Variants in TTYH2 observed in about 807,000 individuals in gnomAD.
The protein encoded by TTYH2 is tweety family member 2.
A neutral mutation model predicts 68.3 loss-of-function variants in TTYH2; 49 were observed. The ratio of observed to expected loss-of-function variants is 0.72; its 90% CI spans 0.57 to 0.91. The LOEUF is 0.91. TTYH2 is among the 40% of genes least tolerant of loss of function. The pLI is 0.00. For synonymous variants in TTYH2, 272 were observed against 300.8 expected (o/e 0.90, Z 0.99); for missense variants, 631 against 700.4 (o/e 0.90, Z 1.12).
At chr17:74,236,289 A>G (rs996416023) in intron 3 of TTYH2, among the ~76,000 whole-genome samples, 4 of 152,196 alleles carry the variant, frequency 2.6e-5, no homozygotes, top group Non-Finnish European at 2.9e-5. Context: ...GCCTTCACTC[A>G]GCGTTCAGGA....
chr17:74,243,093 C>T (rs530421297), intron 4 of TTYH2, among the ~76,000 whole-genome samples: 8 of 152,346 alleles, frequency 5.3e-5, no homozygotes, highest in African/African-American at 1.9e-4. Context: ...GGATTTAGAA[C>T]AGCTCCTCCA....
At chr17:74,216,557 C>T (rs1049601718) in intron 1 of TTYH2, among the ~76,000 whole-genome samples, 4 of 152,158 alleles carry the variant, frequency 2.6e-5, no homozygotes, top group Admixed American at 6.5e-5. Flanking sequence ...GTTTGGGAGC[C>T]GTGAAAGCCC....
chr17:74,216,355 T>G (rs1425191181), intron 1 of TTYH2, among the ~76,000 whole-genome samples: 1 of 151,970 alleles, frequency 6.6e-6, no homozygotes, highest in East Asian at 1.9e-4. Context: ...CATCAGAGAC[T>G]AAGCAAGGAT....
rs1323072580 is a variant in TTYH2, at chr17:74,222,889, G to A, written c.302+232G>A. ...GGCCCCCCACAAACCCTGCCCCAAT[G>A]TGGGTTTGTCCTGTGCCCAGCAGCT... On this transcript the variant is annotated intron_variant, in intron 2 of 13. Transcript: ENST00000269346. This position sits in a 1 kb window ranked among gnomAD's most constrained non-coding sequence, Gnocchi z 5.2. Among the ~76,000 whole-genome samples, 1 of 151,916 alleles carries A rather than the reference G, an allele frequency of 6.6e-6. No individual in the cohort carries two copies. The highest frequency in any genetic ancestry group is 1.5e-5 in the Non-Finnish European group (1 of 67,986).
chr17:74,218,865 G>A lies in TTYH2; in HGVS notation c.130-3620G>A, dbSNP rs188084877. ...GAGGCAAACTCAAAGGGTAGCTGGG[G>A]GCAGGCTGGATGGTAACTGGGCTTC... is the stretch of plus-strand genomic sequence containing the variant. On this transcript the variant is annotated intron_variant, in intron 1 of 13. Coordinates refer to ENST00000269346, the MANE Select transcript of TTYH2 (RefSeq NM_032646.6). 1.9e-3 allele frequency among the ~76,000 whole-genome samples: 294 copies of A among 152,322 alleles called. 1 individual carries two copies. The highest frequency in any genetic ancestry group is 6.3e-3 in the African/African-American group (262 of 41,578).
chr17:74,229,390 G>A (rs1333072810), intron 2 of TTYH2, among the ~76,000 whole-genome samples: 3 of 152,154 alleles, frequency 2.0e-5, no homozygotes, highest in African/African-American at 4.8e-5. Flanking sequence ...CTTAGGACTA[G>A]AGGACAGTAT....
chr17:74,244,804 A>G (rs2050538743), intron 6 of TTYH2, among the ~76,000 whole-genome samples: 1 of 152,162 alleles, frequency 6.6e-6, no homozygotes, highest in South Asian at 2.1e-4. Flanking sequence ...TTTGGAAGCA[A>G]GACTCATAGG....
intron 2 of TTYH2, among the ~76,000 whole-genome samples, chr17:74,227,978 TCTTTC>T (rs1278784613): frequency 1.5e-5 from 2 of 134,652 alleles, no homozygotes; most frequent in Non-Finnish European, 3.0e-5. Context: ...TCTTTTCTTT[TCTTTC>T]TTTTTTTTTT....
intron 4 of TTYH2, among the ~76,000 whole-genome samples, chr17:74,242,653 A>C (rs2050513413): frequency 6.6e-6 from 1 of 152,194 alleles, no homozygotes; most frequent in Non-Finnish European, 1.5e-5. Flanking sequence ...TTGGCCTCCC[A>C]AAGTGCTGGG....
At chr17:74,255,098 C>A (rs1325242852) in intron 13 of TTYH2, among the ~76,000 whole-genome samples, 1 of 152,250 alleles carries the variant, frequency 6.6e-6, no homozygotes, top group Non-Finnish European at 1.5e-5. Flanking sequence ...CACAGAAATA[C>A]TGGCTGAGAC....
intron 2 of TTYH2, among the ~76,000 whole-genome samples, chr17:74,224,559 G>A (rs892869583): frequency 3.3e-5 from 5 of 152,064 alleles, no homozygotes; most frequent in African/African-American, 7.2e-5. Flanking sequence ...AGGAATGTGC[G>A]TGGCAGAATC....
intron 1 of TTYH2, among the ~76,000 whole-genome samples, chr17:74,221,390 C>G (rs2050273927): frequency 6.6e-6 from 1 of 152,218 alleles, no homozygotes; most frequent in South Asian, 2.1e-4. Context: ...CAAGTCTCGT[C>G]TCCCCCTTAG....
chr17:74,240,346 G>A (rs1434930433), intron 4 of TTYH2, among the ~76,000 whole-genome samples: 1 of 152,126 alleles, frequency 6.6e-6, no homozygotes, highest in Non-Finnish European at 1.5e-5. Flanking sequence ...GGCTGAGGCA[G>A]GAAAATTGCT....
chr17:74,213,622 G>T lies in TTYH2; in HGVS notation c.35G>T (p.Trp12Leu). 1 of 1,612,088 alleles carries T rather than the reference G, an allele frequency of 6.2e-7. No homozygotes were observed. The highest frequency in any genetic ancestry group is 8.5e-7 in the Non-Finnish European group (1 of 1,179,462). The change falls in exon 1 of 14, where the codon TGG becomes TTG. Residue 12 changes from tryptophan to leucine, a missense_variant. Transcript: ENST00000269346. The surrounding 1 kb of genome is among the most constrained non-coding windows in gnomAD (Gnocchi z 6.1). Reference protein sequence around the residue: ...QAARVDYIAPWWVVWLHSVPH... With the variant: ...QAARVDYIAPLWVVWLHSVPH... ...GCGCGCGTGGACTACATCGCTCCCT[G>T]GTGGGTCGTGTGGCTGCACAGCGTC...
chr17:74,235,487 G>T (rs2050433794), intron 3 of TTYH2, among the ~76,000 whole-genome samples: 1 of 152,240 alleles, frequency 6.6e-6, no homozygotes. Context: ...GCACCCCGGG[G>T]TTCTGCAGGC....
chr17:74,248,842 C>G, intron 6 of TTYH2, 169 bp from the exon 7 acceptor site: 2 of 1,448,484 alleles, frequency 1.4e-6, no homozygotes, highest in Non-Finnish European at 1.8e-6. Flanking sequence ...GGCAACAGAG[C>G]TAGGAAGGGG....
chr17:74,251,153 GTA>G (rs1205105353), intron 10 of TTYH2, among the ~76,000 whole-genome samples: 3 of 151,742 alleles, frequency 2.0e-5, no homozygotes, highest in African/African-American at 7.3e-5. Flanking sequence ...ATGTGTGTAT[GTA>G]TGTGTGTGGT....
At chr17:74,221,422 C>G (rs1264861715) in intron 1 of TTYH2, among the ~76,000 whole-genome samples, 1 of 152,146 alleles carries the variant, frequency 6.6e-6, no homozygotes, top group Non-Finnish European at 1.5e-5. Context: ...CTGGAGTACC[C>G]CCTTCCTGCT....
At chr17:74,248,683 A>T in intron 6 of TTYH2, 1 of 1,211,902 alleles carries the variant, frequency 8.3e-7, no homozygotes, top group Non-Finnish European at 1.0e-6. Flanking sequence ...GGTCTGTCCC[A>T]GAAGAGGCAT....
Sources: allele counts gnomAD v4.1 joint callset (sites outside exome capture counted in the v4.1 genomes callset), GRCh38; gene constraint gnomAD v4.1.1; non-coding constraint Gnocchi (gnomAD v3.1); transcripts MANE v1.5; gene names NCBI Gene and HGNC (gene_info 2026-07-23, HGNC 2026-07-21).